The following SORCS2 variants were observed in gnomAD, a reference collection of about 807,000 sequenced individuals.
The protein encoded by SORCS2 is VPS10 domain-containing receptor SorCS2.
A neutral mutation model predicts 141.6 loss-of-function variants in SORCS2; 100 were observed. The observed-to-expected ratio is 0.71, with a 90% CI of 0.60 to 0.83. SORCS2 has a LOEUF of 0.83. Among genes scored for constraint, SORCS2 ranks in the 40% least tolerant of loss-of-function variants. The probability of loss-of-function intolerance (pLI) is 0.00; values close to 1 mark genes in which losing one functional copy is unlikely to be tolerated. For synonymous variants in SORCS2, 789 were observed against 676.9 expected, an observed-to-expected ratio of 1.17 and a Z score of -2.57; for missense variants, 1,646 against 1,560.2, an observed-to-expected ratio of 1.05 and a Z score of -0.93.
Position 7,534,100 on chromosome 4 carries a change from C to G in SORCS2, c.648+2471C>G, listed in dbSNP as rs77447219. 9.2e-5 allele frequency among the ~76,000 whole-genome samples: 14 copies of G among 152,320 alleles called. No homozygotes were observed. The East Asian group carries it at 2.7e-3, about 29-fold the overall frequency. On this transcript the variant is annotated intron_variant, in intron 3 of 26. Coordinates refer to ENST00000507866, the MANE Select transcript of SORCS2 (RefSeq NM_020777.3). Reference sequence around the variant, plus strand: ...TAGCCTAGAAATATCACTGCGGGTACAGGATTGGGTCTGATGGTGGCCTGG... The same window carrying G: ...TAGCCTAGAAATATCACTGCGGGTAGAGGATTGGGTCTGATGGTGGCCTGG...
At chr4:7,277,503 G>A (rs1715580432) in intron 1 of SORCS2, among the ~76,000 whole-genome samples, 1 of 152,156 alleles carries the variant, frequency 6.6e-6, no homozygotes, top group Admixed American at 6.5e-5. Flanking sequence ...GAACTTCTAG[G>A]GTCAGCAAGG....
intron 3 of SORCS2, among the ~76,000 whole-genome samples, chr4:7,549,082 G>A (rs1019164803): frequency 4.6e-5 from 7 of 152,110 alleles, no homozygotes; most frequent in Non-Finnish European, 8.8e-5. Flanking sequence ...CCAAGCCTGG[G>A]GAGGGCAGGA....
chr4:7,637,344 GC>G (rs1385067031), intron 3 of SORCS2, among the ~76,000 whole-genome samples: 1 of 152,156 alleles, frequency 6.6e-6, no homozygotes. Flanking sequence ...GGGACCCCCG[GC>G]TCAGCGTTCT....
chr4:7,686,852 C>T (rs1057172330), intron 10 of SORCS2, among the ~76,000 whole-genome samples: 1 of 152,232 alleles, frequency 6.6e-6, no homozygotes, highest in Non-Finnish European at 1.5e-5. Flanking sequence ...CGTCAGCAGG[C>T]CGCAAGGCGA....
intron 18 of SORCS2, among the ~76,000 whole-genome samples, chr4:7,719,137 G>A (rs147990420): frequency 1.2e-3 from 184 of 152,356 alleles, no homozygotes; most frequent in African/African-American, 4.3e-3. Flanking sequence ...TACGGGAGAT[G>A]CAGCTAGTGC....
chr4:7,224,397 G>A (rs1251995872), intron 1 of SORCS2, among the ~76,000 whole-genome samples: 1 of 152,218 alleles, frequency 6.6e-6, no homozygotes, highest in Non-Finnish European at 1.5e-5. Flanking sequence ...AGGCGGGGCT[G>A]GGACTGCCAC....
chr4:7,532,363 G>A (rs1711735729), intron 3 of SORCS2, among the ~76,000 whole-genome samples: 1 of 152,186 alleles, frequency 6.6e-6, no homozygotes, highest in South Asian at 2.1e-4. Context: ...CCTCAAATGG[G>A]ATGTCACCCA....
At chr4:7,443,518 C>T (rs4594726) in intron 2 of SORCS2, among the ~76,000 whole-genome samples, 150,744 of 152,322 alleles carry the variant, frequency 0.99, 74,616 homozygotes, top group East Asian at 1. Flanking sequence ...CCCTACAACC[C>T]GAAACCTTGA....
intron 2 of SORCS2, among the ~76,000 whole-genome samples, chr4:7,490,971 A>G (rs1731280876): frequency 6.6e-6 from 1 of 152,076 alleles, no homozygotes; most frequent in Admixed American, 6.5e-5. Context: ...TGTTCTTACC[A>G]GCTGCCCAGC....
chr4:7,433,165 G>A (rs1332443185), intron 2 of SORCS2: 12 of 777,288 alleles, frequency 1.5e-5, no homozygotes. Context: ...GAGGCTTTCG[G>A]GATCAGGAAT....
At chr4:7,477,964 G>A (rs992763268) in intron 2 of SORCS2, among the ~76,000 whole-genome samples, 1 of 152,182 alleles carries the variant, frequency 6.6e-6, no homozygotes, top group Non-Finnish European at 1.5e-5. Context: ...GCCCTCAGAT[G>A]TGTGTCTCAG....
At chr4:7,588,443 G>A (rs1002860067) in intron 3 of SORCS2, among the ~76,000 whole-genome samples, 7 of 152,322 alleles carry the variant, frequency 4.6e-5, no homozygotes, top group Non-Finnish European at 7.3e-5. Context: ...CCAAGGCCAC[G>A]TTGGAGGAGG....
Position 7,722,147 on chromosome 4 carries a change from C to A in SORCS2, c.2425-1550C>A, listed in dbSNP as rs180704826. ...CCTTGAAGGCAGGAACACAAGGCCC[C>A]GAGAGGTGGCGCCTCACCCAGGTTG... On this transcript the variant is annotated intron_variant, in intron 18 of 26. Transcript: ENST00000507866. 4.9e-4 allele frequency among the ~76,000 whole-genome samples: 75 copies of A among 152,300 alleles called. No individual in the cohort carries two copies. In the East Asian group the frequency reaches 0.01, roughly 21 times the overall value.
intron 1 of SORCS2, among the ~76,000 whole-genome samples, chr4:7,377,101 G>A (rs191148914): frequency 2.6e-5 from 4 of 152,298 alleles, no homozygotes; most frequent in Admixed American, 6.5e-5. Context: ...AGGACATGTT[G>A]TGTCTGTAAT....
chr4:7,196,213 A>G (rs1031114895), intron 1 of SORCS2, among the ~76,000 whole-genome samples: 1 of 152,214 alleles, frequency 6.6e-6, no homozygotes, highest in Admixed American at 6.5e-5. Context: ...TTAATGTTTC[A>G]TTGAAACCAA....
At chr4:7,618,459 A>G (rs944470921) in intron 3 of SORCS2, among the ~76,000 whole-genome samples, 9 of 152,060 alleles carry the variant, frequency 5.9e-5, no homozygotes, top group South Asian at 2.1e-4. Flanking sequence ...AAGGCCCCCA[A>G]TGGTTCCCCA....
At chr4:7,505,184 G>A (rs558054757) in intron 2 of SORCS2, among the ~76,000 whole-genome samples, 17 of 152,318 alleles carry the variant, frequency 1.1e-4, no homozygotes, top group Admixed American at 5.9e-4. Flanking sequence ...TGTGGCTTCT[G>A]AATTTTAAAA....
intron 1 of SORCS2, among the ~76,000 whole-genome samples, chr4:7,311,170 C>G (rs1402082299): frequency 6.6e-6 from 1 of 152,144 alleles, no homozygotes; most frequent in East Asian, 1.9e-4. Flanking sequence ...AGAATTTCGT[C>G]TCTGCAGTAT....
intron 6 of SORCS2, among the ~76,000 whole-genome samples, chr4:7,662,601 A>G (rs754558285): frequency 6.6e-6 from 1 of 152,204 alleles, no homozygotes; most frequent in East Asian, 1.9e-4. Flanking sequence ...TGGGCAAAAC[A>G]TTGCAAAATA....
Sources: gnomAD v4.1 joint callset for allele counts (sites outside exome capture counted in the v4.1 genomes callset) on GRCh38, gnomAD v4.1.1 for gene constraint, MANE v1.5 for transcripts, NCBI Gene and HGNC (gene_info 2026-07-23, HGNC 2026-07-21) for gene names.